TPTE: variants seen among roughly 807,000 people sequenced by gnomAD.
The protein encoded by TPTE is transmembrane phosphatase with tensin homology.
In TPTE, 59 loss-of-function variants were observed where a neutral mutation model predicts 84.1. The observed-to-expected ratio is 0.70, with a 90% CI of 0.57 to 0.87. TPTE has a LOEUF of 0.87. TPTE is among the 40% of genes least tolerant of loss of function. The pLI is 0.00. For synonymous variants in TPTE, 130 were observed against 223.5 expected, an observed-to-expected ratio of 0.58 and a Z score of 3.73; for missense variants, 382 against 659.6, an observed-to-expected ratio of 0.58 and a Z score of 4.61.
At chr21:10,566,223 T>C (rs2074918335) in intron 10 of TPTE, among the ~76,000 whole-genome samples, 2 of 152,310 alleles carry the variant, frequency 1.3e-5, no homozygotes, top group Non-Finnish European at 2.9e-5. Context: ...TCTCAAAATA[T>C]ACAGATGGTA....
chr21:10,522,646 A>G (rs1215803208), intron 1 of TPTE, among the ~76,000 whole-genome samples: 2 of 152,310 alleles, frequency 1.3e-5, no homozygotes, highest in African/African-American at 2.4e-5. Flanking sequence ...AATCTCTATT[A>G]GTGAAGTATC....
intron 14 of TPTE, among the ~76,000 whole-genome samples, chr21:10,574,282 AG>A (rs1447381322): frequency 6.6e-6 from 1 of 152,310 alleles, no homozygotes; most frequent in African/African-American, 2.4e-5. Context: ...AGTTGCCGAG[AG>A]GTGGAAGGAG....
chr21:10,544,396 G>T (rs1568962276), intron 7 of TPTE, among the ~76,000 whole-genome samples: 2 of 152,304 alleles, frequency 1.3e-5, no homozygotes, highest in African/African-American at 2.4e-5. Flanking sequence ...TATTATTATT[G>T]TATTTTTTGA....
intron 3 of TPTE, among the ~76,000 whole-genome samples, chr21:10,528,789 C>T (rs1325069515): frequency 1.3e-5 from 2 of 152,304 alleles, no homozygotes; most frequent in Non-Finnish European, 2.9e-5. Flanking sequence ...TTAACGTCTC[C>T]CCAAATTAGT....
intron 8 of TPTE, among the ~76,000 whole-genome samples, chr21:10,553,593 A>G (rs1473456813): frequency 1.8e-3 from 278 of 152,306 alleles, no homozygotes; most frequent in African/African-American, 6.4e-3. Context: ...CACTCCAAAC[A>G]AAATAAAGCA....
intron 15 of TPTE, among the ~76,000 whole-genome samples, 192 bp downstream of exon 15, chr21:10,577,712 T>A (rs1444702111): frequency 6.6e-6 from 1 of 152,308 alleles, no homozygotes; most frequent in East Asian, 1.9e-4. Flanking sequence ...AAGTACCGTA[T>A]GAAGGATGTG....
intron 14 of TPTE, among the ~76,000 whole-genome samples, chr21:10,574,663 G>A: frequency 6.6e-6 from 1 of 152,428 alleles, no homozygotes; most frequent in East Asian, 1.9e-4. Flanking sequence ...CAGGCAGAGG[G>A]TGCGATGGCC....
chr21:10,545,604 A>T (rs2074450648), intron 7 of TPTE, among the ~76,000 whole-genome samples: 1 of 152,088 alleles, frequency 6.6e-6, no homozygotes, highest in African/African-American at 2.4e-5. Context: ...TACTGACATT[A>T]TTAATTTGGG....
At chr21:10,547,347 A>G (rs566208313) in intron 7 of TPTE, among the ~76,000 whole-genome samples, 1 of 152,426 alleles carries the variant, frequency 6.6e-6, no homozygotes, top group South Asian at 2.1e-4. Flanking sequence ...ACAGCATGGA[A>G]GCACTCAGCC....
chr21:10,594,688 G>A lies in TPTE; in HGVS notation c.1171-1294G>A, dbSNP rs374914388. On this transcript the variant is annotated intron_variant, in intron 19 of 23. Coordinates refer to ENST00000618007, the MANE Select transcript of TPTE (RefSeq NM_199261.4). ...CCCCATCCCCATTTCTTCTGCAGTC[G>A]TGCATAGTTTCCCTAACTGTAGTCC... Among the ~76,000 whole-genome samples the A allele has an allele frequency of 5.9e-5, 9 of 152,420 alleles. No individual in the cohort carries two copies. The South Asian group carries it at 6.2e-4, about 11-fold the overall frequency.
rs565147235 is a variant in TPTE, at chr21:10,530,415, T to G, written c.-44+3003T>G. Among the ~76,000 whole-genome samples, 7 of 152,428 alleles carry G rather than the reference T, an allele frequency of 4.6e-5. No individual in the cohort carries two copies. The East Asian group carries it at 9.6e-4, about 21-fold the overall frequency. Reference sequence around the variant, plus strand: ...TTCTGTAAACTATGTATTATTGTTTTGCCTATATGTTTTTAAATTTACTTA... The same window carrying G: ...TTCTGTAAACTATGTATTATTGTTTGGCCTATATGTTTTTAAATTTACTTA... On this transcript the variant is annotated intron_variant, in intron 3 of 23. Coordinates refer to ENST00000618007, the MANE Select transcript of TPTE (RefSeq NM_199261.4).
At chr21:10,546,197 T>C (rs2074464709) in intron 7 of TPTE, among the ~76,000 whole-genome samples, 2 of 152,310 alleles carry the variant, frequency 1.3e-5, no homozygotes, top group South Asian at 4.1e-4. Flanking sequence ...CCAAACTTTT[T>C]ATTATCATAT....
chr21:10,593,422 C>T (rs1339334603), intron 19 of TPTE, among the ~76,000 whole-genome samples: 2 of 152,310 alleles, frequency 1.3e-5, no homozygotes, highest in Non-Finnish European at 2.9e-5. Flanking sequence ...AAAGTCCACA[C>T]ATTTCATTTG....
chr21:10,527,153 T>TCA, intron 2 of TPTE, among the ~76,000 whole-genome samples: 1 of 149,566 alleles, frequency 6.7e-6, no homozygotes, highest in East Asian at 2.0e-4. Flanking sequence ...TCTCTCTCTC[T>TCA]CTCTCACACA....
intron 10 of TPTE, among the ~76,000 whole-genome samples, chr21:10,567,037 ATGTT>A (rs1487361734): frequency 3.3e-5 from 5 of 151,994 alleles, no homozygotes; most frequent in East Asian, 1.9e-4. Context: ...GGAGATCACT[ATGTT>A]TGTTAAGTGA....
intron 3 of TPTE, among the ~76,000 whole-genome samples, chr21:10,529,526 CTT>C (rs1223009527): frequency 6.6e-6 from 1 of 152,310 alleles, no homozygotes; most frequent in African/African-American, 2.4e-5. Context: ...TCATCAGACT[CTT>C]TTCAGAGACA....
At chr21:10,591,170 G>C (rs886531253) in intron 18 of TPTE, among the ~76,000 whole-genome samples, 3 of 152,414 alleles carry the variant, frequency 2.0e-5, no homozygotes, top group African/African-American at 7.2e-5. Flanking sequence ...TGTGGAGTCT[G>C]TGACCTCTAA....
chr21:10,575,516 C>A (rs1321190434), intron 14 of TPTE, among the ~76,000 whole-genome samples: 433 of 151,688 alleles, frequency 2.9e-3, no homozygotes, highest in African/African-American at 9.9e-3. Flanking sequence ...CCAAAGCAGC[C>A]AGACTGCTTT....
In TPTE at chr21:10,537,631, TC is replaced by T. The variant is rs535192451; in HGVS notation, c.-43-1048del. On this transcript the variant is annotated intron_variant, in intron 3 of 23. Coordinates refer to ENST00000618007, the MANE Select transcript of TPTE (RefSeq NM_199261.4). ...AGGTGGAGCTTGCAGTGAACCGAGA[TC>T]CTGCCACTGCACTCCAGCCTGGGCA... 8.8e-5 allele frequency among the ~76,000 whole-genome samples: 13 copies of T among 148,144 alleles called. No individual in the cohort carries two copies. The South Asian group carries it at 2.7e-3, about 31-fold the overall frequency.
Sources: allele counts gnomAD v4.1 joint callset (sites outside exome capture counted in the v4.1 genomes callset), GRCh38; gene constraint gnomAD v4.1.1; transcripts MANE v1.5; gene names NCBI Gene and HGNC (gene_info 2026-07-23, HGNC 2026-07-21).